CAPN12: variants seen among roughly 807,000 people sequenced by gnomAD.
The protein encoded by CAPN12 is calpain 12, also known as calpain-12.
CAPN12 carries 107 observed loss-of-function variants against 95.0 expected under a neutral mutation model. The ratio of observed to expected loss-of-function variants is 1.13; its 90% CI spans 0.96 to 1.32. The LOEUF is 1.32. Among genes scored for constraint, CAPN12 ranks in the 40% most tolerant of loss-of-function variants. CAPN12 has a pLI of 0.00. For synonymous variants in CAPN12, 505 were observed against 415.5 expected, an observed-to-expected ratio of 1.22 and a Z score of -2.62; for missense variants, 1,136 against 997.8, an observed-to-expected ratio of 1.14 and a Z score of -1.87.
Position 38,734,838 on chromosome 19 carries a change from G to A in CAPN12, c.1719C>T (p.Ala573=), listed in dbSNP as rs1433107396. ...EEELNASQLQ[A]LLSIALEPAR... is the part of the protein sequence containing the mutation. ...CAGGCTCCAGGGCAATGCTTAGTAA[G>A]GCCTGGAGCTGAGAGGCATTGAGTT... Residue 573 remains alanine, a synonymous_variant, in exon 15 of 21, where the codon GCC becomes GCT. Transcript: ENST00000328867. The A allele has an allele frequency of 3.1e-6, 5 of 1,612,712 alleles. No individual in the cohort carries two copies. The highest frequency in any genetic ancestry group is 4.2e-6 in the Non-Finnish European group (5 of 1,179,850).
chr19:38,741,128 C>G (rs1599931040), intron 4 of CAPN12, among the ~76,000 whole-genome samples: 1 of 152,124 alleles, frequency 6.6e-6, no homozygotes, highest in Non-Finnish European at 1.5e-5. Context: ...GAGAGACAAT[C>G]TAAGATATAC....
Position 38,730,694 on chromosome 19 carries a change from A to C in CAPN12, c.*158T>G. On this transcript the variant is annotated 3_prime_UTR_variant, in exon 21 of 21. Transcript: ENST00000328867. ...TCTTGTTTCTGAGTGAGGAGTACGCAGGCCAGAGTGGTCACCCGGCCGTGA... is the reference window on the plus strand; with the variant it reads ...TCTTGTTTCTGAGTGAGGAGTACGCCGGCCAGAGTGGTCACCCGGCCGTGA... 1.2e-6 allele frequency: 1 copy of C among 805,768 alleles called. No individual in the cohort carries two copies. The highest frequency in any genetic ancestry group is 2.0e-6 in the Non-Finnish European group (1 of 501,860). 49.9% of individuals were successfully genotyped at this position (805,768 alleles called of 1,614,324 possible). A position where few individuals can be genotyped will look rare whatever the true frequency, so the allele number is the denominator to read the frequency against.
At chr19:38,735,163 G>A in intron 14 of CAPN12, 4 of 607,242 alleles carry the variant, frequency 6.6e-6, no homozygotes, top group Admixed American at 6.0e-5. Flanking sequence ...GGAGGGAGAG[G>A]GTGGTCCTGG....
chr19:38,741,769 GTCC>G lies in CAPN12; in HGVS notation c.560+5_560+7del. On this transcript the variant is annotated splice_donor_5th_base_variant and intron_variant, in intron 4 of 20. Transcript: ENST00000328867. ...AGGGCTGCAGCTGGTTGGAACTGGG[GTCC>G]TCACTTGGCGTAGGCCTTCTCCAGG... 2 of 1,613,834 alleles carry G rather than the reference GTCC, an allele frequency of 1.2e-6. No individual in the cohort carries two copies. The highest frequency in any genetic ancestry group is 2.2e-5 in the South Asian group (2 of 91,068).
Position 38,737,270 on chromosome 19 carries a change from C to T in CAPN12, c.1248G>A (p.Ala416=), listed in dbSNP as rs751118290. ...GWGAAGARGP[A]RGGRTPKCTV... ...TGCACTTGGGCGTGCGGCCCCCCCG[C>T]GCTGGGCCCCGTGCCCCTGCAGCCC... The change falls in exon 10 of 21, where the codon GCG becomes GCA. Residue 416 remains alanine, a synonymous_variant. Transcript: ENST00000328867. The T allele has an allele frequency of 5.3e-5, 82 of 1,545,472 alleles. No individual in the cohort carries two copies. The highest frequency in any genetic ancestry group is 6.8e-5 in the Non-Finnish European group (78 of 1,145,636).
At chr19:38,733,559 T>TG in intron 18 of CAPN12, 144 bp downstream of exon 18, 1 of 682,438 alleles carries the variant, frequency 1.5e-6, no homozygotes, top group Non-Finnish European at 2.5e-6. Context: ...ACCCAACCCC[T>TG]GCCAGGGACT....
chr19:38,735,956 GGTT>G (rs1335067985), intron 12 of CAPN12, among the ~76,000 whole-genome samples, 151 bp downstream of exon 12: 3 of 12,306 alleles, frequency 2.4e-4, no homozygotes, highest in African/African-American at 4.4e-4. Context: ...GCGGGGCGGG[GGTT>G]CTGGGGGCGG....
rs774791518 is a variant in CAPN12, at chr19:38,734,359, ATC to A, written c.1773_1774del (p.Glu591AspfsTer7). On this transcript the variant is annotated frameshift_variant, in exon 16 of 21. Transcript: ENST00000328867. LOFTEE classifies it high-confidence loss of function. ...CAGCTGCTCACAGGTCCTGAGCCCGATCTCTCTGGGGGTGGAGGTATGGGCCC... is the reference window on the plus strand; with the variant it reads ...CAGCTGCTCACAGGTCCTGAGCCCGATCTCTGGGGGTGGAGGTATGGGCCC... 1.5e-5 allele frequency: 24 copies of A among 1,607,552 alleles called. 1 individual carries two copies. The Middle Eastern group carries it at 1.8e-3, about 121-fold the overall frequency.
intron 18 of CAPN12, among the ~76,000 whole-genome samples, chr19:38,732,380 G>A (rs1455794791): frequency 6.6e-6 from 1 of 152,182 alleles, no homozygotes; most frequent in Non-Finnish European, 1.5e-5. Flanking sequence ...TGCCCAGGCT[G>A]GAGTACAATG....
intron 2 of CAPN12, 113 bp from the exon 3 acceptor site, chr19:38,742,641 C>G: frequency 2.8e-6 from 2 of 726,300 alleles, no homozygotes; most frequent in South Asian, 1.9e-5. Flanking sequence ...TCACGTGAGC[C>G]TAGGAGTTCA....
In CAPN12 at chr19:38,731,099, G is replaced by C; in HGVS notation, c.2074+8C>G. On this transcript the variant is annotated splice_region_variant and intron_variant, in intron 19 of 20. Coordinates refer to ENST00000328867, the MANE Select transcript of CAPN12 (RefSeq NM_144691.4). ...CCCCATGCCCCACCATGCCGGGGTG[G>C]TACTCACAGAAGATGCAGGTGAGGT... is the stretch of plus-strand genomic sequence containing the variant. 1 of 1,608,172 alleles carries C rather than the reference G, an allele frequency of 6.2e-7. No individual in the cohort carries two copies. The highest frequency in any genetic ancestry group is 2.2e-5 in the East Asian group (1 of 44,696).
chr19:38,738,482 C>A lies in CAPN12; in HGVS notation c.826G>T (p.Val276Leu), dbSNP rs781754668. Residue 276 changes from valine (V) to leucine (L), a missense_variant, in exon 7 of 21, where the codon GTG becomes TTG. Physicochemically the swap from Val to Leu is conservative, Grantham distance 32. Coordinates refer to ENST00000328867, the MANE Select transcript of CAPN12 (RefSeq NM_144691.4). ...THKVFLGFTKVRLLRLRNPWG... is the reference protein window; with the variant it reads ...THKVFLGFTKLRLLRLRNPWG... ...GGGTTCCGCAGCCGCAGCAGCCGCA[C>A]CTTGGTGAAGCCCAGGAACACCTGG... 1.2e-6 allele frequency: 2 copies of A among 1,611,734 alleles called. No individual in the cohort carries two copies. The highest frequency in any genetic ancestry group is 1.7e-6 in the Non-Finnish European group (2 of 1,178,804).
At chr19:38,733,463 T>TA (rs753565540) in intron 18 of CAPN12, 75 of 503,068 alleles carry the variant, frequency 1.5e-4, no homozygotes, top group Non-Finnish European at 2.5e-4. Flanking sequence ...CCAGAACCCC[T>TA]ACCAGGCACA....
At position 38,734,884 on chromosome 19, in the gene CAPN12, G is replaced by A. The variant is rs1426769733; in HGVS notation, c.1687-14C>T. On this transcript the variant is annotated splice_polypyrimidine_tract_variant and intron_variant, in intron 14 of 20. Coordinates refer to ENST00000328867, the MANE Select transcript of CAPN12 (RefSeq NM_144691.4). Reference sequence around the variant, plus strand: ...GAGTTCTTCCTCCTAGTCCAGGAAAGAGGGCTTGTGAGGCCATTTACTCAT... The same window carrying A: ...GAGTTCTTCCTCCTAGTCCAGGAAAAAGGGCTTGTGAGGCCATTTACTCAT... 1 of 1,612,106 alleles carries A rather than the reference G, an allele frequency of 6.2e-7. No homozygotes were observed. Among genetic ancestry groups the A allele is most frequent in the East Asian group, 2.2e-5 (1 of 44,870 alleles).
Position 38,733,838 on chromosome 19 carries a change from G to A in CAPN12, c.1879-57C>T, listed in dbSNP as rs74407960. On this transcript the variant is annotated intron_variant, in intron 17 of 20. Transcript: ENST00000328867. ...CCATGCCCTGAAGAGGGCTGCCAAT[G>A]GGGCCTCCCAGGCAAGACAGCCTGG... is the stretch of plus-strand genomic sequence containing the variant. The A allele has an allele frequency of 1.5e-3, 2,237 of 1,447,980 alleles. 32 individuals are homozygous for A. The African/African-American group carries it at 0.026, about 17-fold the overall frequency. The allele number at this position is 1,447,980 out of a possible 1,614,324, so 89.7% of individuals were successfully genotyped here.
At chr19:38,741,147 C>T (rs1266842173) in intron 4 of CAPN12, among the ~76,000 whole-genome samples, 2 of 152,002 alleles carry the variant, frequency 1.3e-5, no homozygotes, top group African/African-American at 2.4e-5. Flanking sequence ...ACAGCTCACC[C>T]GAGGGGATAA....
Position 38,737,966 on chromosome 19 carries a change from G to GC in CAPN12, c.965+306dup, listed in dbSNP as rs753028580. Among the ~76,000 whole-genome samples the GC allele has an allele frequency of 1.5e-3, 223 of 152,134 alleles. 2 individuals carry two copies. Among genetic ancestry groups the GC allele is most frequent in the Middle Eastern group, 3.4e-3 (1 of 294 alleles). On this transcript the variant is annotated intron_variant, in intron 8 of 20. Transcript: ENST00000328867. ...TCAACATTGCCAAATCTCAAGAAAT[G>GC]CCCCAAATATCACCAAGCCTTCCTC... is the stretch of plus-strand genomic sequence containing the variant.
Position 38,730,525 on chromosome 19 carries a change from A to T in CAPN12, c.*327T>A, listed in dbSNP as rs1490083971. 14 of 402,986 alleles carry T rather than the reference A, an allele frequency of 3.5e-5. No homozygotes were observed. The highest frequency in any genetic ancestry group is 3.6e-5 in the Non-Finnish European group (8 of 221,432). 25.0% of individuals were successfully genotyped at this position (402,986 alleles called of 1,614,324 possible). A position where few individuals can be genotyped will look rare whatever the true frequency, so the allele number is the denominator to read the frequency against. On this transcript the variant is annotated 3_prime_UTR_variant, in exon 21 of 21. Coordinates refer to ENST00000328867, the MANE Select transcript of CAPN12 (RefSeq NM_144691.4). ...GATAATAAAACATGTAATATTTTTA[A>T]GAAGGATTCCTGCAGCATCATCTTT...
chr19:38,744,243 A>C lies in CAPN12; in HGVS notation c.-78T>G, dbSNP rs1268316457. On this transcript the variant is annotated 5_prime_UTR_variant, in exon 1 of 21. Transcript: ENST00000328867. ...GGGGGCGGGGCCTCTCTTCCATTGG[A>C]GCCCCAGTGGGGTCTTTAGGCAATG... 3.7e-6 allele frequency: 5 copies of C among 1,342,964 alleles called. No individual in the cohort carries two copies. The highest frequency in any genetic ancestry group is 1.4e-5 in the African/African-American group (1 of 69,392). The allele number at this position is 1,342,964 out of a possible 1,614,324, so 83.2% of individuals were successfully genotyped here. A position where few individuals can be genotyped will look rare whatever the true frequency, so the allele number is the denominator to read the frequency against.
Sources: gnomAD v4.1 joint callset for allele counts (sites outside exome capture counted in the v4.1 genomes callset) on GRCh38, gnomAD v4.1.1 for gene constraint, MANE v1.5 for transcripts, NCBI Gene and HGNC (gene_info 2026-07-23, HGNC 2026-07-21) for gene names.